PDZD8: variants seen among roughly 807,000 people sequenced by gnomAD.
The protein encoded by PDZD8 is PDZ domain-containing protein 8.
A neutral mutation model predicts 85.8 loss-of-function variants in PDZD8; 14 were observed. That is an observed-to-expected ratio of 0.16 (90% CI 0.11 to 0.26). The LOEUF is 0.26. Among genes scored for constraint, PDZD8 ranks in the 10% least tolerant of loss-of-function variants. The pLI is 1.00. For missense variants in PDZD8, 1,197 were observed against 1,424.3 expected, an observed-to-expected ratio of 0.84 and a Z score of 2.57; for synonymous variants, 592 against 568.6, an observed-to-expected ratio of 1.04 and a Z score of -0.59.
In PDZD8 at chr10:117,277,863, A is replaced by C. The variant is rs1241845547; in HGVS notation, c.*5405T>G. The C allele has an allele frequency of 1.3e-5, 2 of 152,228 alleles. No homozygotes were observed. Among genetic ancestry groups the C allele is most frequent in the African/African-American group, 2.4e-5 (1 of 41,458 alleles). 9.4% of individuals were successfully genotyped at this position (152,228 alleles called of 1,614,324 possible). A position where few individuals can be genotyped will look rare whatever the true frequency, so the allele number is the denominator to read the frequency against. On this transcript the variant is annotated 3_prime_UTR_variant, in exon 5 of 5. Coordinates refer to ENST00000334464, the MANE Select transcript of PDZD8 (RefSeq NM_173791.5). ...TTTGAATCCATAAATCTTAGCTGGCATTAGTTTTCTATGTAATCACCTACC... is the reference window on the plus strand; with the variant it reads ...TTTGAATCCATAAATCTTAGCTGGCCTTAGTTTTCTATGTAATCACCTACC...
rs368320672 is a variant in PDZD8, at chr10:117,283,672, G to A, written c.3061C>T (p.Arg1021Cys). The change falls in exon 5 of 5, where the codon CGT becomes TGT. Residue 1021 changes from arginine to cysteine, a missense_variant. Arg to Cys is a radical substitution (Grantham distance 180, BLOSUM62 -3). Coordinates refer to ENST00000334464, the MANE Select transcript of PDZD8 (RefSeq NM_173791.5). ...SVFIAVKEIG[R>C]DLYRGLPTEE... ...GTAGGCAAGCCCCTGTACAGATCAC[G>A]ACCAATTTCTTTAACTGCAATGAAA... 3 of 1,614,100 alleles carry A rather than the reference G, an allele frequency of 1.9e-6. No individual in the cohort carries two copies. Among genetic ancestry groups the A allele is most frequent in the South Asian group, 1.1e-5 (1 of 91,080 alleles).
At chr10:117,346,098 G>A (rs866533579) in intron 1 of PDZD8, among the ~76,000 whole-genome samples, 13 of 151,608 alleles carry the variant, frequency 8.6e-5, no homozygotes, top group Admixed American at 4.0e-4. Flanking sequence ...AAAATTAGCC[G>A]GGCGTGGTGG....
intron 1 of PDZD8, among the ~76,000 whole-genome samples, chr10:117,343,443 CTAG>C (rs988081168): frequency 1.3e-5 from 2 of 152,128 alleles, no homozygotes; most frequent in Non-Finnish European, 2.9e-5. Flanking sequence ...GGGAAAAAAA[CTAG>C]TAACTAAATT....
At chr10:117,371,495 T>C (rs1029482835) in intron 1 of PDZD8, among the ~76,000 whole-genome samples, 15 of 152,162 alleles carry the variant, frequency 9.9e-5, no homozygotes, top group Admixed American at 9.8e-4. Context: ...CATCACCAGT[T>C]TAAAACACTG....
At chr10:117,347,551 C>T in intron 1 of PDZD8, among the ~76,000 whole-genome samples, 1 of 152,154 alleles carries the variant, frequency 6.6e-6, no homozygotes, top group East Asian at 1.9e-4. Flanking sequence ...TTCAAAGGAC[C>T]TCCTGAGGGC....
intron 2 of PDZD8, among the ~76,000 whole-genome samples, chr10:117,339,046 T>C (rs1844564038): frequency 6.6e-6 from 1 of 151,848 alleles, no homozygotes; most frequent in African/African-American, 2.4e-5. Context: ...TAGTCTTTTT[T>C]TGATTTAAAA....
rs1844631356 is a variant in PDZD8 at position 117,284,800 on chromosome 10, C to T, written c.1933G>A (p.Ala645Thr). 2 of 1,614,082 alleles carry T rather than the reference C, an allele frequency of 1.2e-6. No individual in the cohort carries two copies. Among genetic ancestry groups the T allele is most frequent in the Non-Finnish European group, 1.7e-6 (2 of 1,180,040 alleles). The change falls in exon 5 of 5, where the codon GCA becomes ACA. Residue 645 changes from alanine to threonine, a missense_variant. By Grantham distance (58) the Ala-to-Thr change is moderately conservative. Around this residue, in one of 4 missense-constraint regions of PDZD8, gnomAD observed 263 missense variants for 261.9 expected, o/e 1.00. Transcript: ENST00000334464. The stretch of plus-strand genomic sequence containing the variant: ...GCTAAAAATTGCTTAGGTGCAGCTG[C>T]ATCGTCTATGGCATCCACATTTTTT... ...QAKNVDAIDD[A>T]AAPKQFLAKQ...
intron 1 of PDZD8, among the ~76,000 whole-genome samples, chr10:117,368,854 T>TTC (rs1554859190): frequency 1.3e-5 from 1 of 76,822 alleles, no homozygotes; most frequent in African/African-American, 6.0e-5. Context: ...TGACAATGTT[T>TTC]TTTTTTTTTT....
chr10:117,321,583 T>C (rs1203417328), intron 2 of PDZD8, among the ~76,000 whole-genome samples: 1 of 152,150 alleles, frequency 6.6e-6, no homozygotes, highest in Non-Finnish European at 1.5e-5. Flanking sequence ...TACAGCCCTG[T>C]AAATTTATTA....
intron 1 of PDZD8, among the ~76,000 whole-genome samples, chr10:117,345,275 A>C (rs1844685311): frequency 6.6e-6 from 1 of 152,208 alleles, no homozygotes; most frequent in Non-Finnish European, 1.5e-5. Flanking sequence ...GATTTAAGGA[A>C]GACATATCCT....
At chr10:117,373,149 A>G (rs548425254) in intron 1 of PDZD8, among the ~76,000 whole-genome samples, 1 of 152,182 alleles carries the variant, frequency 6.6e-6, no homozygotes, top group Non-Finnish European at 1.5e-5. Context: ...TAGCCCTAAA[A>G]AAGTCTTTCC....
rs1054110268 is a variant in PDZD8, at chr10:117,278,220, T to C, written c.*5048A>G. 6.6e-6 allele frequency: 1 copy of C among 152,224 alleles called. No individual in the cohort carries two copies. The highest frequency in any genetic ancestry group is 1.9e-4 in the East Asian group (1 of 5,202). The allele number at this position is 152,224 out of a possible 1,614,324, so 9.4% of individuals were successfully genotyped here. On this transcript the variant is annotated 3_prime_UTR_variant, in exon 5 of 5. Coordinates refer to ENST00000334464, the MANE Select transcript of PDZD8 (RefSeq NM_173791.5). The stretch of plus-strand genomic sequence containing the variant: ...TTGATCTGTTTGCAGGTCATCCAAG[T>C]GTTTTCTAGGAATATATTTATTTTA...
rs1317324181 is a variant in PDZD8 at position 117,280,007 on chromosome 10, T to A, written c.*3261A>T. 1 of 152,200 alleles carries A rather than the reference T, an allele frequency of 6.6e-6. No homozygotes were observed. The highest frequency in any genetic ancestry group is 2.4e-5 in the African/African-American group (1 of 41,440). 9.4% of individuals were successfully genotyped at this position (152,200 alleles called of 1,614,324 possible). On this transcript the variant is annotated 3_prime_UTR_variant, in exon 5 of 5. Transcript: ENST00000334464. ...CTTAACATTTTATTATTTATCTTAT[T>A]TTTAAGAGCCAAATATTTCCAAATT...
Position 117,374,750 on chromosome 10 carries a change from T to A in PDZD8, c.478A>T (p.Ile160Phe). The A allele has an allele frequency of 6.2e-7, 1 of 1,612,406 alleles. No homozygotes were observed. Among genetic ancestry groups the A allele is most frequent in the Non-Finnish European group, 8.5e-7 (1 of 1,179,726 alleles). The change falls in exon 1 of 5, where the codon ATC (isoleucine) becomes TTC (phenylalanine). Residue 160 changes from isoleucine (I) to phenylalanine (F), a missense_variant. Transcript: ENST00000334464. This position sits in a 1 kb window ranked among gnomAD's most constrained non-coding sequence, Gnocchi z 7.8. Reference protein sequence around the residue: ...LGETVPFIKTIRLVRPVVPSA... With the variant: ...LGETVPFIKTFRLVRPVVPSA... ...GGCACGACTGGCCGCACGAGCCGGA[T>A]GGTCTTGATGAAGGGCACCGTCTCG... is the stretch of plus-strand genomic sequence containing the variant.
At chr10:117,324,551 C>T (rs1019293557) in intron 2 of PDZD8, among the ~76,000 whole-genome samples, 9 of 152,160 alleles carry the variant, frequency 5.9e-5, no homozygotes, top group South Asian at 2.1e-4. Flanking sequence ...CAGTCAGTTA[C>T]AGTCCAAAAT....
At chr10:117,334,861 C>A (rs1296761476) in intron 2 of PDZD8, among the ~76,000 whole-genome samples, 1 of 151,326 alleles carries the variant, frequency 6.6e-6, no homozygotes, top group Non-Finnish European at 1.5e-5. Context: ...AAGAAACAAA[C>A]AAATAAACAA....
At chr10:117,312,592 T>C (rs537170545) in intron 3 of PDZD8, among the ~76,000 whole-genome samples, 9 of 152,300 alleles carry the variant, frequency 5.9e-5, no homozygotes, top group African/African-American at 2.2e-4. Flanking sequence ...TTTTAAGTAT[T>C]CTTTTAGCGT....
chr10:117,346,263 T>C (rs1220605564), intron 1 of PDZD8, among the ~76,000 whole-genome samples: 1 of 138,960 alleles, frequency 7.2e-6, no homozygotes, highest in East Asian at 2.1e-4. Context: ...TATAGGGAGG[T>C]ATTATGACAA....
intron 3 of PDZD8, among the ~76,000 whole-genome samples, chr10:117,298,287 CA>C (rs1843788792): frequency 6.6e-6 from 1 of 152,066 alleles, no homozygotes. Flanking sequence ...AAAAATAACA[CA>C]AGAGCAATAG....
Sources: allele counts gnomAD v4.1 joint callset (sites outside exome capture counted in the v4.1 genomes callset), GRCh38; gene constraint gnomAD v4.1.1; regional missense constraint gnomAD v4.1.1; non-coding constraint Gnocchi (gnomAD v3.1); transcripts MANE v1.5; gene names NCBI Gene and HGNC (gene_info 2026-07-23, HGNC 2026-07-21).